The following SLCO3A1 variants were observed in gnomAD, a reference collection of about 807,000 sequenced individuals.
SLCO3A1 encodes the protein solute carrier organic anion transporter family member 3A1.
A neutral mutation model predicts 63.1 loss-of-function variants in SLCO3A1; 27 were observed. The ratio of observed to expected loss-of-function variants is 0.43; its 90% CI spans 0.32 to 0.59. The LOEUF is 0.59. Among genes scored for constraint, SLCO3A1 ranks in the 20% least tolerant of loss-of-function variants. The pLI, the probability that SLCO3A1 is intolerant of heterozygous loss-of-function variation, is 0.09. For synonymous variants in SLCO3A1, 473 were observed against 409.9 expected (o/e 1.15, Z -1.86); for missense variants, 773 against 945.8 (o/e 0.82, Z 2.40).
intron 2 of SLCO3A1, among the ~76,000 whole-genome samples, chr15:91,939,654 G>C (rs921485196): frequency 2.6e-5 from 4 of 152,102 alleles, no homozygotes; most frequent in African/African-American, 9.7e-5. Context: ...GTGACAGAGG[G>C]GGTGCCAGGC....
chr15:92,024,670 G>A (rs1166075599), intron 2 of SLCO3A1, among the ~76,000 whole-genome samples: 1 of 151,952 alleles, frequency 6.6e-6, no homozygotes, highest in African/African-American at 2.4e-5. Flanking sequence ...TAGTATAAGA[G>A]AGACAAAAAT....
At chr15:92,006,154 A>T (rs954622178) in intron 2 of SLCO3A1, among the ~76,000 whole-genome samples, 18 of 152,188 alleles carry the variant, frequency 1.2e-4, no homozygotes, top group African/African-American at 4.3e-4. Context: ...TTAAATTCAG[A>T]GGTTAATTAG....
At chr15:92,084,603 G>C (rs1199191078) in intron 2 of SLCO3A1, among the ~76,000 whole-genome samples, 1 of 152,222 alleles carries the variant, frequency 6.6e-6, no homozygotes, top group Admixed American at 6.5e-5. Context: ...TGCAAAGTGA[G>C]TAGGGGAGCT....
chr15:92,151,429 A>C (rs564440159), intron 9 of SLCO3A1, among the ~76,000 whole-genome samples: 3 of 152,318 alleles, frequency 2.0e-5, no homozygotes, highest in East Asian at 1.9e-4. Context: ...TGCATCCTTT[A>C]AATTTTTCCA....
chr15:92,147,204 G>A (rs201798375), intron 8 of SLCO3A1, 45 bp downstream of exon 8: 14 of 1,570,192 alleles, frequency 8.9e-6, no homozygotes, highest in Middle Eastern at 1.7e-4. Flanking sequence ...TCCACCTGGT[G>A]TTCATCTGCA....
At chr15:91,907,924 G>C (rs1274333869) in intron 1 of SLCO3A1, among the ~76,000 whole-genome samples, 1 of 152,060 alleles carries the variant, frequency 6.6e-6, no homozygotes, top group Non-Finnish European at 1.5e-5. Flanking sequence ...CAGGTGTAGA[G>C]AGGGCAGTAC....
In SLCO3A1 at chr15:92,112,045, A is replaced by G. The variant is rs919047056; in HGVS notation, c.1009+7503A>G. 9.2e-5 allele frequency among the ~76,000 whole-genome samples: 14 copies of G among 152,236 alleles called. 1 individual carries two copies. Among genetic ancestry groups the G allele is most frequent in the Admixed American group, 5.2e-4 (8 of 15,292 alleles). ...CAGAGTAGAAAGTGGAAAGGCTCAC[A>G]GGAGGTTCAAAGGGATGAACTGAGG... On this transcript the variant is annotated intron_variant, in intron 4 of 9. Coordinates refer to ENST00000318445, the MANE Select transcript of SLCO3A1 (RefSeq NM_013272.4).
chr15:92,023,401 G>A (rs2046533445), intron 2 of SLCO3A1, among the ~76,000 whole-genome samples: 1 of 151,814 alleles, frequency 6.6e-6, no homozygotes, highest in South Asian at 2.1e-4. Flanking sequence ...TCATTGTTTG[G>A]TACTCTATAT....
At position 91,872,375 on chromosome 15, in the gene SLCO3A1, A is replaced by C. The variant is rs1316830872; in HGVS notation, c.180+18287A>C. 6.6e-5 allele frequency among the ~76,000 whole-genome samples: 10 copies of C among 152,108 alleles called. No individual in the cohort carries two copies. Among genetic ancestry groups the C allele is most frequent in the African/African-American group, 2.2e-4 (9 of 41,418 alleles). On this transcript the variant is annotated intron_variant, in intron 1 of 9. Coordinates refer to ENST00000318445, the MANE Select transcript of SLCO3A1 (RefSeq NM_013272.4). The surrounding 1 kb of genome is among the most constrained non-coding windows in gnomAD (Gnocchi z 4.1). ...GTGAAACCCCTTCTCTACTAAAAATACAAAAAAATAGCCGGGCATGGTGGC... is the reference window on the plus strand; with the variant it reads ...GTGAAACCCCTTCTCTACTAAAAATCCAAAAAAATAGCCGGGCATGGTGGC...
chr15:92,120,736 C>A, intron 5 of SLCO3A1, 107 bp downstream of exon 5: 1 of 895,174 alleles, frequency 1.1e-6, no homozygotes, highest in Non-Finnish European at 1.8e-6. Context: ...TGCTCTGGGC[C>A]TACAGCAACA....
intron 1 of SLCO3A1, among the ~76,000 whole-genome samples, chr15:91,868,376 A>G (rs1209972959): frequency 1.5e-5 from 2 of 130,078 alleles, no homozygotes; most frequent in Non-Finnish European, 3.2e-5. Flanking sequence ...TTTTTTTTTA[A>G]TATAAAGACT....
At chr15:91,989,216 C>A (rs949528192) in intron 2 of SLCO3A1, among the ~76,000 whole-genome samples, 2 of 152,216 alleles carry the variant, frequency 1.3e-5, no homozygotes, top group African/African-American at 4.8e-5. Flanking sequence ...TCAGCTGCCA[C>A]CTCCTCTTTA....
chr15:91,889,926 C>G (rs756438207), intron 1 of SLCO3A1, among the ~76,000 whole-genome samples: 1 of 151,922 alleles, frequency 6.6e-6, no homozygotes, highest in Non-Finnish European at 1.5e-5. Flanking sequence ...GTATCCTAGA[C>G]TGAGTTATGC....
chr15:92,097,238 C>T (rs1567117878), intron 3 of SLCO3A1, among the ~76,000 whole-genome samples: 4 of 152,036 alleles, frequency 2.6e-5, no homozygotes, highest in South Asian at 4.1e-4. Flanking sequence ...ATGAGGAAAC[C>T]AAGTCACAGA....
chr15:92,023,049 A>C (rs1282879187), intron 2 of SLCO3A1, among the ~76,000 whole-genome samples: 1 of 152,230 alleles, frequency 6.6e-6, no homozygotes, highest in Non-Finnish European at 1.5e-5. Flanking sequence ...CAGGAGAGGA[A>C]GCACAGAGAA....
At chr15:91,880,098 TGTCCGTCCGTCCGTCCGTCCGTCC>T (rs61664916) in intron 1 of SLCO3A1, among the ~76,000 whole-genome samples, 30 of 97,858 alleles carry the variant, frequency 3.1e-4, no homozygotes, top group African/African-American at 9.7e-4. Flanking sequence ...CTTGTATGTG[TGTCCGTCCGTCCGTCCGTCCGTCC>T]GTCCGTCCGT....
chr15:91,938,298 A>G (rs1597138417), intron 2 of SLCO3A1, among the ~76,000 whole-genome samples: 1 of 151,886 alleles, frequency 6.6e-6, no homozygotes, highest in East Asian at 1.9e-4. Flanking sequence ...GGTACTTAGT[A>G]AGTGTTAGTT....
At chr15:92,041,090 TAGAAAGTGTCTAGTCTAC>T (rs2046791359) in intron 2 of SLCO3A1, among the ~76,000 whole-genome samples, 2 of 152,158 alleles carry the variant, frequency 1.3e-5, no homozygotes, top group Non-Finnish European at 2.9e-5. Flanking sequence ...GATGCTCTTG[TAGAAAGTGTCTAGTCTAC>T]AGGAAGCCTC....
chr15:92,072,961 G>A (rs983414303), intron 2 of SLCO3A1, among the ~76,000 whole-genome samples: 3 of 152,182 alleles, frequency 2.0e-5, no homozygotes, highest in African/African-American at 7.2e-5. Flanking sequence ...CTTACACGGG[G>A]CAGAAGAGAG....
Sources: allele counts gnomAD v4.1 joint callset (sites outside exome capture counted in the v4.1 genomes callset), GRCh38; gene constraint gnomAD v4.1.1; non-coding constraint Gnocchi (gnomAD v3.1); transcripts MANE v1.5; gene names NCBI Gene and HGNC (gene_info 2026-07-23, HGNC 2026-07-21).